Variants in LDAH observed in about 807,000 individuals in gnomAD.
The protein encoded by LDAH is lipid droplet-associated hydrolase.
In LDAH, 26 loss-of-function variants were observed where a neutral mutation model predicts 29.6. The ratio of observed to expected loss-of-function variants is 0.88; its 90% CI spans 0.64 to 1.22. LDAH has a LOEUF of 1.22. Among genes scored for constraint, LDAH ranks in the 50% most tolerant of loss-of-function variants. LDAH has a pLI of 0.00. For missense variants in LDAH, 344 were observed against 387.3 expected, an observed-to-expected ratio of 0.89 and a Z score of 0.94; for synonymous variants, 117 against 133.0, an observed-to-expected ratio of 0.88 and a Z score of 0.83.
At chr2:20,761,145 G>A (rs906371586) in intron 4 of LDAH, among the ~76,000 whole-genome samples, 8 of 152,094 alleles carry the variant, frequency 5.3e-5, no homozygotes, top group South Asian at 2.1e-4. Flanking sequence ...TTTCACTGTC[G>A]AACAAGACAA....
rs185544279 is a variant in LDAH, at chr2:20,796,323, G to A, written c.154+4987C>T. Among the ~76,000 whole-genome samples the A allele has an allele frequency of 3.0e-4, 46 of 152,244 alleles. 1 individual carries two copies. The highest frequency in any genetic ancestry group is 1.0e-3 in the African/African-American group (42 of 41,540). On this transcript the variant is annotated intron_variant, in intron 2 of 6. Transcript: ENST00000237822. ...TAGCACCTGGGATAAAAGAGTGAGG[G>A]AATAAATACTATCTCCAGGTGGGGA...
At chr2:20,718,510 T>C (rs552290783) in intron 5 of LDAH, among the ~76,000 whole-genome samples, 1 of 152,166 alleles carries the variant, frequency 6.6e-6, no homozygotes, top group South Asian at 2.1e-4. Flanking sequence ...CACCCAAATA[T>C]ACAAAACAAA....
At chr2:20,683,620 AG>A (rs1402224545), downstream of LDAH, among the ~76,000 whole-genome samples, 1 of 152,248 alleles carries the variant, frequency 6.6e-6, no homozygotes, top group African/African-American at 2.4e-5. Flanking sequence ...CAGGTGAGCA[AG>A]TGTTATCCCT....
chr2:20,696,997 GGCT>G (rs1279405163), intron 6 of LDAH, among the ~76,000 whole-genome samples: 1 of 151,946 alleles, frequency 6.6e-6, no homozygotes, highest in African/African-American at 2.4e-5. Context: ...TACTTCTTTA[GGCT>G]GCTATTACCC....
At position 20,790,321 on chromosome 2, in the gene LDAH, A is replaced by C. The variant is rs376419679; in HGVS notation, c.232T>G (p.Trp78Gly). ...YSLTNRRFPV[W>G]TISHAGHALA... The stretch of plus-strand genomic sequence containing the variant: ...GCATGCCCAGCATGACTGATAGTCC[A>C]AACTGGAAAGCGTCTGTTTGTCAAA... Residue 78 changes from tryptophan (W) to glycine (G), a missense_variant, in exon 3 of 7, where the codon TGG (tryptophan) becomes GGG (glycine). Coordinates refer to ENST00000237822, the MANE Select transcript of LDAH (RefSeq NM_021925.4). 2 of 1,614,084 alleles carry C rather than the reference A, an allele frequency of 1.2e-6. No homozygotes were observed. Among genetic ancestry groups the C allele is most frequent in the Non-Finnish European group, 1.7e-6 (2 of 1,180,022 alleles).
intron 5 of LDAH, among the ~76,000 whole-genome samples, chr2:20,705,375 C>T (rs1290818693): frequency 1.3e-5 from 2 of 152,088 alleles, no homozygotes; most frequent in Non-Finnish European, 2.9e-5. Context: ...TAATACAAGT[C>T]TTCTATTCCT....
intron 4 of LDAH, among the ~76,000 whole-genome samples, chr2:20,763,245 G>A (rs1668810312): frequency 6.6e-6 from 1 of 152,200 alleles, no homozygotes; most frequent in Admixed American, 6.5e-5. Context: ...CAGAGAATTT[G>A]ATTCATATTC....
At chr2:20,809,404 A>C (rs1672318337) in intron 1 of LDAH, among the ~76,000 whole-genome samples, 1 of 152,146 alleles carries the variant, frequency 6.6e-6, no homozygotes. Context: ...TCTCAAAAAA[A>C]AAGGAAAAGA....
At chr2:20,803,766 C>T (rs1019841074) in intron 1 of LDAH, among the ~76,000 whole-genome samples, 1 of 152,146 alleles carries the variant, frequency 6.6e-6, no homozygotes. Context: ...ATTTCAATTC[C>T]GTCCTTCATT....
At chr2:20,775,372 G>C (rs1489598452) in intron 3 of LDAH, among the ~76,000 whole-genome samples, 1 of 152,092 alleles carries the variant, frequency 6.6e-6, no homozygotes, top group Admixed American at 6.5e-5. Flanking sequence ...TCCCCTTAAA[G>C]GCTTGTTAAA....
intron 1 of LDAH, among the ~76,000 whole-genome samples, chr2:20,821,143 C>T (rs839915): frequency 0.16 from 24,070 of 151,878 alleles, 4,671 homozygotes; most frequent in African/African-American, 0.47. Context: ...TGTGGAGAAA[C>T]AGGAACACTT....
rs2046325 is a variant in LDAH at position 20,739,946 on chromosome 2, T to C, written c.703+25A>G. 460,544 of 1,528,078 alleles carry C rather than the reference T, an allele frequency of 0.3. 75,023 individuals carry two copies. Among genetic ancestry groups the C allele is most frequent in the East Asian group, 0.5 (22,380 of 44,382 alleles). The allele number at this position is 1,528,078 out of a possible 1,614,324, so 94.7% of individuals were successfully genotyped here. ...ACATTTTGTGATACAAGAATAAACA[T>C]ACACATTTTAAAATCTGTGCTTACC... On this transcript the variant is annotated intron_variant, in intron 5 of 6. Coordinates refer to ENST00000237822, the MANE Select transcript of LDAH (RefSeq NM_021925.4).
chr2:20,759,859 C>A (rs1668560040), intron 4 of LDAH, among the ~76,000 whole-genome samples: 1 of 152,168 alleles, frequency 6.6e-6, no homozygotes, highest in South Asian at 2.1e-4. Context: ...AGGGAATTCA[C>A]AAATGTATCA....
intron 3 of LDAH, among the ~76,000 whole-genome samples, chr2:20,789,775 T>G (rs1047204166): frequency 3.9e-5 from 6 of 152,100 alleles, no homozygotes; most frequent in African/African-American, 1.4e-4. Context: ...GCGGCAGCAA[T>G]GGATTCTCAT....
rs1341812298 is a variant in LDAH, at chr2:20,721,014, G to C, written c.703+18957C>G. ...TGGATTAAAGACTTTAATAGGACAT[G>C]AAACTACTAAAAGAAAACATTAGGG... On this transcript the variant is annotated intron_variant, in intron 5 of 6. Coordinates refer to ENST00000237822, the MANE Select transcript of LDAH (RefSeq NM_021925.4). Among the ~76,000 whole-genome samples, 3 of 152,110 alleles carry C rather than the reference G, an allele frequency of 2.0e-5. No individual in the cohort carries two copies. The East Asian group carries it at 5.8e-4, about 29-fold the overall frequency.
chr2:20,816,703 A>G (rs746429625), intron 1 of LDAH, among the ~76,000 whole-genome samples: 3 of 152,094 alleles, frequency 2.0e-5, no homozygotes, highest in Non-Finnish European at 4.4e-5. Context: ...AGAAGAACAG[A>G]ACACCACCAT....
chr2:20,702,348 A>G (rs1363708814), intron 5 of LDAH, among the ~76,000 whole-genome samples: 1 of 152,188 alleles, frequency 6.6e-6, no homozygotes, highest in East Asian at 1.9e-4. Flanking sequence ...TTTTGCCAGC[A>G]TCTGTCCTTC....
chr2:20,772,828 A>G (rs1669523992), intron 4 of LDAH, among the ~76,000 whole-genome samples: 1 of 152,060 alleles, frequency 6.6e-6, no homozygotes, highest in African/African-American at 2.4e-5. Context: ...CTGTCCAACA[A>G]CTCTCAAGGA....
At position 20,739,184 on chromosome 2, in the gene LDAH, A is replaced by G. The variant is rs555163095; in HGVS notation, c.703+787T>C. ...CACAGGTAAAAGCTTAGAAAGTGCC[A>G]TCAGCTACTGCTGCAACTAATTGTT... On this transcript the variant is annotated intron_variant, in intron 5 of 6. Transcript: ENST00000237822. Among the ~76,000 whole-genome samples the G allele has an allele frequency of 4.6e-5, 7 of 152,354 alleles. No individual in the cohort carries two copies. In the East Asian group the frequency reaches 1.2e-3, roughly 25 times the overall value.
Sources: allele counts gnomAD v4.1 joint callset (sites outside exome capture counted in the v4.1 genomes callset), GRCh38; gene constraint gnomAD v4.1.1; transcripts MANE v1.5; gene names NCBI Gene and HGNC (gene_info 2026-07-23, HGNC 2026-07-21).